Variants in CTTN observed in about 807,000 individuals in gnomAD.
The protein encoded by CTTN is src substrate cortactin.
A neutral mutation model predicts 84.0 loss-of-function variants in CTTN; 28 were observed. The observed-to-expected ratio is 0.33, with a 90% CI of 0.25 to 0.46. CTTN has a LOEUF of 0.46. CTTN is among the 20% of genes least tolerant of loss of function. CTTN has a pLI of 1.00. For synonymous variants in CTTN, 301 were observed against 288.8 expected, an observed-to-expected ratio of 1.04 and a Z score of -0.43; for missense variants, 641 against 723.8, an observed-to-expected ratio of 0.89 and a Z score of 1.31.
At chr11:70,407,652 C>G in intron 4 of CTTN, 61 bp downstream of exon 4, 2 of 1,511,496 alleles carry the variant, frequency 1.3e-6, no homozygotes, top group Non-Finnish European at 1.8e-6. Flanking sequence ...CCAGGTGCAA[C>G]AGGGCCCATG....
chr11:70,421,615 A>T, intron 11 of CTTN, 35 bp downstream of exon 11: 1 of 1,495,106 alleles, frequency 6.7e-7, no homozygotes, highest in Non-Finnish European at 9.3e-7. Flanking sequence ...CCTCCCCCCG[A>T]CCCTCCTGTG....
At chr11:70,410,076 A>G in intron 5 of CTTN, 116 bp downstream of exon 5, 3 of 1,157,134 alleles carry the variant, frequency 2.6e-6, no homozygotes, top group Non-Finnish European at 2.5e-6. Flanking sequence ...CCATCTGCTG[A>G]GGTTGCGATT....
At position 70,420,093 on chromosome 11, in the gene CTTN, C is replaced by G. The variant is rs2058213156; in HGVS notation, c.679+237C>G. The G allele has an allele frequency of 8.4e-6, 5 of 598,594 alleles. No individual in the cohort carries two copies. In the East Asian group the frequency reaches 1.4e-4, roughly 17 times the overall value. The allele number at this position is 598,594 out of a possible 1,614,324, so 37.1% of individuals were successfully genotyped here. A position where few individuals can be genotyped will look rare whatever the true frequency, so the allele number is the denominator to read the frequency against. On this transcript the variant is annotated intron_variant, in intron 9 of 17. Transcript: ENST00000301843. Reference sequence around the variant, plus strand: ...GCGTTGCTTATCGTGGTGGCCACACCCCGCACGTCTGTGTTGCCCGTGTGA... The same window carrying G: ...GCGTTGCTTATCGTGGTGGCCACACGCCGCACGTCTGTGTTGCCCGTGTGA...
intron 11 of CTTN, 128 bp from the exon 12 acceptor site, chr11:70,422,812 G>A: frequency 6.5e-7 from 1 of 1,527,576 alleles, no homozygotes; most frequent in South Asian, 1.2e-5. Flanking sequence ...GCCTCGCTTG[G>A]CCATTCTCGT....
rs370623790 is a variant in CTTN, at chr11:70,435,253, G to GTTTTT, written c.*112_*116dup. 836 of 937,912 alleles carry GTTTTT rather than the reference G, an allele frequency of 8.9e-4. No homozygotes were observed. The highest frequency in any genetic ancestry group is 3.6e-3 in the South Asian group (134 of 37,224). 58.1% of individuals were successfully genotyped at this position (937,912 alleles called of 1,614,324 possible). On this transcript the variant is annotated 3_prime_UTR_variant, in exon 18 of 18. Transcript: ENST00000301843. Reference sequence around the variant, plus strand: ...TCTTGGGTGGTTTTGGGTTTTTTCTGTTTTTTTTTTTTTTTTTTTTTTTTT... The same window carrying GTTTTT: ...TCTTGGGTGGTTTTGGGTTTTTTCTGTTTTTTTTTTTTTTTTTTTTTTTTTTTTTT...
At chr11:70,432,398 C>G (rs1218604345) in intron 15 of CTTN, among the ~76,000 whole-genome samples, 1 of 152,244 alleles carries the variant, frequency 6.6e-6, no homozygotes, top group African/African-American at 2.4e-5. Context: ...ACCACTGGCT[C>G]TTCCCAGATC....
rs561706581 is a variant in CTTN at position 70,431,377 on chromosome 11, T to C, written c.1266+97T>C. The stretch of plus-strand genomic sequence containing the variant: ...AGGAAGCCCTTGCAGGCAGGCAGTG[T>C]GGCGTGGGTGTAGAGGGCATCGCTG... On this transcript the variant is annotated intron_variant, in intron 15 of 17. Transcript: ENST00000301843. 329 of 1,299,270 alleles carry C rather than the reference T, an allele frequency of 2.5e-4. 3 individuals are homozygous for C. In the South Asian group the frequency reaches 3.8e-3, roughly 15 times the overall value. 80.5% of individuals were successfully genotyped at this position (1,299,270 alleles called of 1,614,324 possible).
chr11:70,412,709 C>T (rs992222970), intron 5 of CTTN, among the ~76,000 whole-genome samples: 4 of 152,146 alleles, frequency 2.6e-5, no homozygotes, highest in Admixed American at 2.6e-4. Context: ...GCGGGGCAGG[C>T]TTCCTTCTTG....
chr11:70,408,665 G>T (rs2058069588), intron 4 of CTTN, among the ~76,000 whole-genome samples: 1 of 152,194 alleles, frequency 6.6e-6, no homozygotes, highest in Admixed American at 6.5e-5. Context: ...CTCCCAAAGT[G>T]CTGGGATCAC....
At chr11:70,428,943 G>T in intron 13 of CTTN, 108 bp from the exon 14 acceptor site, 1 of 1,369,754 alleles carries the variant, frequency 7.3e-7, no homozygotes, top group Non-Finnish European at 1.0e-6. Flanking sequence ...TTGGGGGTTA[G>T]GGGGATGACC....
At chr11:70,420,839 G>A (rs1306913055) in intron 10 of CTTN, among the ~76,000 whole-genome samples, 2 of 151,768 alleles carry the variant, frequency 1.3e-5, no homozygotes, top group Non-Finnish European at 2.9e-5. Context: ...TTACCCGGGA[G>A]TGGGGGCATG....
In CTTN at chr11:70,426,302, T is replaced by G. The variant is rs530680930; in HGVS notation, c.1027+901T>G. On this transcript the variant is annotated intron_variant, in intron 13 of 17. Coordinates refer to ENST00000301843, the MANE Select transcript of CTTN (RefSeq NM_005231.4). ...GGCGGGCGCCTGTAGTCCCAGCTAC[T>G]CGGGAGGCTGAGACAGGAGAATGGC... 1.4e-3 allele frequency among the ~76,000 whole-genome samples: 219 copies of G among 151,604 alleles called. 1 individual carries two copies. Among genetic ancestry groups the G allele is most frequent in the East Asian group, 0.011 (56 of 5,046 alleles).
At position 70,420,193 on chromosome 11, in the gene CTTN, C is replaced by G. The variant is rs908953830; in HGVS notation, c.680-207C>G. ...CATGGGGTCCTGTCTGGCTTAGTCA[C>G]GATGCTGAGGTCATAGACTAGGTTA... On this transcript the variant is annotated intron_variant, in intron 9 of 17. Transcript: ENST00000301843. 2.3e-5 allele frequency: 14 copies of G among 603,790 alleles called. No individual in the cohort carries two copies. The South Asian group carries it at 2.7e-4, about 11-fold the overall frequency. The allele number at this position is 603,790 out of a possible 1,614,324, so 37.4% of individuals were successfully genotyped here. A position where few individuals can be genotyped will look rare whatever the true frequency, so the allele number is the denominator to read the frequency against.
intron 10 of CTTN, 62 bp from the exon 11 acceptor site, chr11:70,421,408 T>C (rs1000091501): frequency 5.6e-6 from 7 of 1,247,794 alleles, no homozygotes; most frequent in African/African-American, 4.4e-5. Flanking sequence ...GCTCATGCAA[T>C]TCTAACCCAA....
chr11:70,431,456 GC>G (rs2058353408), intron 15 of CTTN, among the ~76,000 whole-genome samples, 176 bp downstream of exon 15: 2 of 152,084 alleles, frequency 1.3e-5, no homozygotes, highest in Admixed American at 1.3e-4. Flanking sequence ...TGGGTGACAT[GC>G]CTCAGTGCTG....
At chr11:70,407,462 G>C in intron 3 of CTTN, 56 bp from the exon 4 acceptor site, 1 of 1,612,666 alleles carries the variant, frequency 6.2e-7, no homozygotes, top group Non-Finnish European at 8.5e-7. Flanking sequence ...ATGGGGTGGT[G>C]GTTTGTCTGT....
intron 13 of CTTN, among the ~76,000 whole-genome samples, chr11:70,428,759 T>C (rs536231588): frequency 3.3e-5 from 5 of 152,374 alleles, no homozygotes; most frequent in South Asian, 2.1e-4. Context: ...ATTGGCTGTT[T>C]TTATTTAAAA....
chr11:70,398,735 C>G (rs1305915177), intron 1 of CTTN, 121 bp downstream of exon 1: 1 of 152,054 alleles, frequency 6.6e-6, no homozygotes, highest in Non-Finnish European at 1.5e-5. Context: ...CGCTCTTCCG[C>G]TTGCGGTTTC....
intron 7 of CTTN, 76 bp downstream of exon 7, chr11:70,415,793 T>C (rs1239285117): frequency 6.9e-7 from 1 of 1,453,324 alleles, no homozygotes; most frequent in Non-Finnish European, 9.6e-7. Flanking sequence ...TGAAGCCGTT[T>C]CCCCGCGCTC....
Sources: allele counts gnomAD v4.1 joint callset (sites outside exome capture counted in the v4.1 genomes callset), GRCh38; gene constraint gnomAD v4.1.1; transcripts MANE v1.5; gene names NCBI Gene and HGNC (gene_info 2026-07-23, HGNC 2026-07-21).